The following MCF2L2 variants were observed in gnomAD, a reference collection of about 807,000 sequenced individuals.
MCF2L2 encodes probable guanine nucleotide exchange factor MCF2L2.
Under a neutral mutation model 150.2 loss-of-function variants are expected in MCF2L2, and 102 were observed. That is an observed-to-expected ratio of 0.68 (90% CI 0.58 to 0.80). MCF2L2 has a LOEUF of 0.80. MCF2L2 is among the 30% of genes least tolerant of loss of function. The probability of loss-of-function intolerance (pLI) is 0.00; values close to 1 mark genes in which losing one functional copy is unlikely to be tolerated. For synonymous variants in MCF2L2, 465 were observed against 491.3 expected, an observed-to-expected ratio of 0.95 and a Z score of 0.71; for missense variants, 1,256 against 1,372.8, an observed-to-expected ratio of 0.91 and a Z score of 1.34.
rs534624926 is a variant in MCF2L2, at chr3:183,339,005, G to A, written c.367-86C>T. ...TCTACTTTGGTCTCCCCTTGCCCAA[G>A]ATTAAGATCACAGAAGGAAAAGTTA... On this transcript the variant is annotated intron_variant, in intron 4 of 29. Transcript: ENST00000328913. 12 of 1,341,884 alleles carry A rather than the reference G, an allele frequency of 8.9e-6. No individual in the cohort carries two copies. The South Asian group carries it at 1.8e-4, about 20-fold the overall frequency. The allele number at this position is 1,341,884 out of a possible 1,614,324, so 83.1% of individuals were successfully genotyped here.
At chr3:183,265,704 C>T (rs954215925) in intron 15 of MCF2L2, 9 of 152,214 alleles carry the variant, frequency 5.9e-5, no homozygotes, top group African/African-American at 2.2e-4. Context: ...ACAAGTGAAG[C>T]TGTGTAATAC....
intron 3 of MCF2L2, among the ~76,000 whole-genome samples, chr3:183,361,260 G>C (rs919249977): frequency 1.3e-5 from 2 of 152,150 alleles, no homozygotes; most frequent in African/African-American, 4.8e-5. Context: ...GCCTGCTGTT[G>C]TTTGTCCTTG....
intron 1 of MCF2L2, among the ~76,000 whole-genome samples, chr3:183,406,091 A>C (rs1223429047): frequency 6.6e-6 from 1 of 152,158 alleles, no homozygotes; most frequent in East Asian, 1.9e-4. Context: ...AGTGACCGTG[A>C]GTTTTCATTT....
chr3:183,383,581 T>C (rs1161461357), intron 2 of MCF2L2, among the ~76,000 whole-genome samples: 1 of 152,154 alleles, frequency 6.6e-6, no homozygotes, highest in Middle Eastern at 3.2e-3. Flanking sequence ...TCCAGGTATC[T>C]GATCACCCCA....
At chr3:183,316,766 C>T (rs1270327542) in intron 7 of MCF2L2, among the ~76,000 whole-genome samples, 1 of 152,028 alleles carries the variant, frequency 6.6e-6, no homozygotes, top group African/African-American at 2.4e-5. Flanking sequence ...AGTGCAGTGG[C>T]GAGATCTCGG....
At chr3:183,240,477 C>T (rs1723971106) in intron 15 of MCF2L2, among the ~76,000 whole-genome samples, 1 of 152,220 alleles carries the variant, frequency 6.6e-6, no homozygotes, top group South Asian at 2.1e-4. Flanking sequence ...CTAGGCCTCC[C>T]AAAGTGCTGG....
intron 11 of MCF2L2, chr3:183,299,466 C>A (rs983262260): frequency 6.5e-6 from 1 of 153,128 alleles, no homozygotes; most frequent in South Asian, 2.0e-4. Context: ...GTATCAGTTT[C>A]TGCCTCTGCA....
chr3:183,286,908 A>G (rs1340729340), intron 14 of MCF2L2, among the ~76,000 whole-genome samples: 1 of 152,244 alleles, frequency 6.6e-6, no homozygotes, highest in Admixed American at 6.5e-5. Flanking sequence ...ACTGAAGCAC[A>G]GAAGGATGAT....
chr3:183,320,075 T>C (rs903401403), intron 6 of MCF2L2, among the ~76,000 whole-genome samples: 27 of 151,746 alleles, frequency 1.8e-4, no homozygotes, highest in Non-Finnish European at 3.8e-4. Flanking sequence ...TGTTGTTGAG[T>C]GTAGTCACTT....
At chr3:183,248,949 G>C (rs1724386474) in intron 15 of MCF2L2, among the ~76,000 whole-genome samples, 1 of 152,208 alleles carries the variant, frequency 6.6e-6, no homozygotes, top group African/African-American at 2.4e-5. Flanking sequence ...CTCTGGGCCA[G>C]CCATGTAGCC....
chr3:183,346,312 C>T (rs1369429039), intron 3 of MCF2L2, among the ~76,000 whole-genome samples: 1 of 152,174 alleles, frequency 6.6e-6, no homozygotes, highest in African/African-American at 2.4e-5. Flanking sequence ...AAGACAAAAA[C>T]CACATGATTA....
At chr3:183,182,252 G>A (rs1721552055) in intron 27 of MCF2L2, among the ~76,000 whole-genome samples, 2 of 152,122 alleles carry the variant, frequency 1.3e-5, no homozygotes, top group South Asian at 4.1e-4. Flanking sequence ...GACTGTCAGC[G>A]CAGGCCCTGA....
chr3:183,191,732 A>G (rs1721899197), intron 27 of MCF2L2, among the ~76,000 whole-genome samples: 1 of 152,186 alleles, frequency 6.6e-6, no homozygotes, highest in African/African-American at 2.4e-5. Context: ...TGTTAAATCA[A>G]CTTTCACCTT....
Position 183,270,074 on chromosome 3 carries a change from G to A in MCF2L2, c.1862+6798C>T. On this transcript the variant is annotated intron_variant, in intron 15 of 29. Transcript: ENST00000328913. This position sits in a 1 kb window ranked among gnomAD's most constrained non-coding sequence, Gnocchi z 4.5. ...AAGCTCAAGACGTCCTCCTTTTACT[G>A]TTTGTAAAAACTGCTCCTGAAAACT... 1 of 1,614,136 alleles carries A rather than the reference G, an allele frequency of 6.2e-7. No individual in the cohort carries two copies. The highest frequency in any genetic ancestry group is 1.1e-5 in the South Asian group (1 of 91,076).
At chr3:183,360,703 G>A (rs766963166) in intron 3 of MCF2L2, among the ~76,000 whole-genome samples, 12 of 152,002 alleles carry the variant, frequency 7.9e-5, no homozygotes, top group Admixed American at 5.2e-4. Flanking sequence ...GGCGTGGTGG[G>A]TCACTCCTGT....
chr3:183,338,554 T>C (rs41387448), intron 5 of MCF2L2, among the ~76,000 whole-genome samples: 7,579 of 152,116 alleles, frequency 0.05, 213 homozygotes, highest in East Asian at 0.12. Context: ...GATCTAGTCC[T>C]TGTTTCTTAC....
intron 15 of MCF2L2, among the ~76,000 whole-genome samples, chr3:183,248,712 C>A (rs1724375426): frequency 6.6e-6 from 1 of 152,060 alleles, no homozygotes; most frequent in African/African-American, 2.4e-5. Context: ...ATGGGGTGCA[C>A]CTGTAGTCCC....
intron 10 of MCF2L2, among the ~76,000 whole-genome samples, chr3:183,302,220 C>T (rs1431486184): frequency 1.3e-5 from 2 of 152,192 alleles, no homozygotes; most frequent in Admixed American, 6.5e-5. Context: ...ACCTCGCATG[C>T]CTTTCTCCTT....
At chr3:183,403,955 G>A (rs58552907) in intron 1 of MCF2L2, among the ~76,000 whole-genome samples, 56,929 of 152,018 alleles carry the variant, frequency 0.37, 10,936 homozygotes, top group African/African-American at 0.44. Context: ...TGTTTAAAAA[G>A]TGGTTTGAGG....
Sources: allele counts gnomAD v4.1 joint callset (sites outside exome capture counted in the v4.1 genomes callset), GRCh38; gene constraint gnomAD v4.1.1; non-coding constraint Gnocchi (gnomAD v3.1); transcripts MANE v1.5; gene names NCBI Gene and HGNC (gene_info 2026-07-23, HGNC 2026-07-21).